CRPPA: variants seen among roughly 807,000 people sequenced by gnomAD.
The protein encoded by CRPPA is CDP-L-ribitol pyrophosphorylase A.
In CRPPA, 43 loss-of-function variants were observed where a neutral mutation model predicts 52.0. The ratio of observed to expected loss-of-function variants is 0.83; its 90% CI spans 0.65 to 1.07. The LOEUF (loss-of-function observed/expected upper bound fraction) is 1.07. Ranked by LOEUF, CRPPA falls within the 50% of genes least tolerant of loss-of-function variation. The pLI is 0.00. For missense variants in CRPPA, 629 were observed against 551.7 expected (o/e 1.14, Z -1.40); for synonymous variants, 250 against 203.5 (o/e 1.23, Z -1.94).
intron 7 of CRPPA, 76 bp downstream of exon 7, chr7:16,258,844 T>C (rs1373127581): frequency 3.6e-6 from 3 of 832,556 alleles, no homozygotes; most frequent in Non-Finnish European, 5.6e-6. Flanking sequence ...CATATATAAA[T>C]ATTTAAGAAT....
intron 4 of CRPPA, among the ~76,000 whole-genome samples, chr7:16,305,494 T>TG (rs1490684484): frequency 1.3e-5 from 2 of 152,164 alleles, no homozygotes; most frequent in African/African-American, 2.4e-5. Context: ...TGATTTCTAG[T>TG]GGGGGGATCG....
chr7:16,302,295 CAAAAAAAAAA>C (rs34666735), intron 4 of CRPPA, among the ~76,000 whole-genome samples: 6 of 53,374 alleles, frequency 1.1e-4, no homozygotes, highest in South Asian at 2.4e-3. Flanking sequence ...GACTCTGTCT[CAAAAAAAAAA>C]AAAAAAAAAA....
intron 8 of CRPPA, among the ~76,000 whole-genome samples, chr7:16,249,686 T>G (rs1311879642): frequency 1.3e-5 from 2 of 151,902 alleles, no homozygotes; most frequent in South Asian, 2.1e-4. Flanking sequence ...AGCATCAACA[T>G]CAACAAAAAG....
intron 9 of CRPPA, among the ~76,000 whole-genome samples, chr7:16,135,266 G>T (rs2128373923): frequency 1.3e-5 from 2 of 152,274 alleles, no homozygotes; most frequent in Middle Eastern, 6.8e-3. Flanking sequence ...AGCAAGTATA[G>T]TGTCAAGCAA....
intron 1 of CRPPA, among the ~76,000 whole-genome samples, chr7:16,418,798 A>G (rs371336208): frequency 2.0e-5 from 3 of 152,052 alleles, no homozygotes; most frequent in East Asian, 3.9e-4. Flanking sequence ...TCAAGATGAG[A>G]TTTTTGGGTG....
At chr7:16,200,529 G>A (rs10244600) in intron 9 of CRPPA, among the ~76,000 whole-genome samples, 1 of 151,982 alleles carries the variant, frequency 6.6e-6, no homozygotes, top group Non-Finnish European at 1.5e-5. Flanking sequence ...TTGGAATGAC[G>A]TGACACATAA....
At chr7:16,198,315 G>A (rs1269423995) in intron 9 of CRPPA, among the ~76,000 whole-genome samples, 1 of 38,302 alleles carries the variant, frequency 2.6e-5, no homozygotes, top group African/African-American at 1.2e-4. Context: ...GGCTGGAGGT[G>A]GGACCTGCGG....
chr7:16,307,921 A>G (rs1269947902), intron 4 of CRPPA, among the ~76,000 whole-genome samples: 1 of 151,626 alleles, frequency 6.6e-6, no homozygotes, highest in African/African-American at 2.4e-5. Context: ...TGAAGAAAAA[A>G]AAAAAAAAAA....
chr7:16,278,245 AGTTTTAAGTTTC>A lies in CRPPA; in HGVS notation c.836-31_836-20del. On this transcript the variant is annotated intron_variant, in intron 5 of 9. Transcript: ENST00000407010. ...ATTCTCTCTGAAATTAAAAAAAAAA[AGTTTTAAGTTTC>A]AAACAAAACATGTAACAAGGCCCTA... The A allele has an allele frequency of 1.6e-6, 2 of 1,284,396 alleles. No individual in the cohort carries two copies. The highest frequency in any genetic ancestry group is 1.5e-5 in the African/African-American group (1 of 67,284). 79.6% of individuals were successfully genotyped at this position (1,284,396 alleles called of 1,614,324 possible). A position where few individuals can be genotyped will look rare whatever the true frequency, so the allele number is the denominator to read the frequency against.
chr7:16,252,808 T>A (rs1285653835), intron 8 of CRPPA, among the ~76,000 whole-genome samples: 1 of 152,180 alleles, frequency 6.6e-6, no homozygotes, highest in African/African-American at 2.4e-5. Flanking sequence ...ATTCAGGGAT[T>A]CAACTTCTTC....
rs141765954 is a variant in CRPPA, at chr7:16,384,112, G to A, written c.535-7871C>T. Among the ~76,000 whole-genome samples the A allele has an allele frequency of 4.1e-4, 62 of 152,274 alleles. No homozygotes were observed. In the East Asian group the frequency reaches 8.9e-3, roughly 22 times the overall value. On this transcript the variant is annotated intron_variant, in intron 2 of 9. Coordinates refer to ENST00000407010, the MANE Select transcript of CRPPA (RefSeq NM_001101426.4). ...TCACTCAGGCTGGGAGCTGTAGACC[G>A]GAGCTGTTCCTATTCAGCCATCTTG...
intron 2 of CRPPA, among the ~76,000 whole-genome samples, chr7:16,398,193 GAC>G (rs1035792339): frequency 3.9e-5 from 6 of 152,046 alleles, no homozygotes; most frequent in Non-Finnish European, 8.8e-5. Context: ...TTGCCAACAT[GAC>G]ACGTGATCAA....
intron 3 of CRPPA, among the ~76,000 whole-genome samples, chr7:16,311,263 A>C (rs984430796): frequency 2.0e-5 from 3 of 152,158 alleles, no homozygotes; most frequent in African/African-American, 7.2e-5. Context: ...ATGTACAATG[A>C]TATACGTCCA....
At chr7:16,272,653 G>A (rs1039062688) in intron 6 of CRPPA, among the ~76,000 whole-genome samples, 4 of 152,126 alleles carry the variant, frequency 2.6e-5, no homozygotes, top group Admixed American at 6.5e-5. Flanking sequence ...ATAAGGGAAG[G>A]GAAAAAGTAT....
At chr7:16,279,386 A>G (rs1784272194) in intron 5 of CRPPA, among the ~76,000 whole-genome samples, 1 of 152,226 alleles carries the variant, frequency 6.6e-6, no homozygotes, top group South Asian at 2.1e-4. Context: ...ACTAATGCTC[A>G]TGATGACCCT....
At chr7:16,199,854 CTTTTTTTT>C (rs68003825) in intron 9 of CRPPA, among the ~76,000 whole-genome samples, 3 of 120,114 alleles carry the variant, frequency 2.5e-5, no homozygotes, top group African/African-American at 6.4e-5. Flanking sequence ...TAAGCTTTTT[CTTTTTTTT>C]TTTTTTTTTT....
intron 3 of CRPPA, among the ~76,000 whole-genome samples, chr7:16,372,260 G>A (rs181298338): frequency 1.4e-3 from 219 of 152,226 alleles, no homozygotes; most frequent in Non-Finnish European, 2.3e-3. Context: ...GCTATCTAAC[G>A]TCAAGACAAA....
chr7:16,399,800 G>A (rs1173206823), intron 2 of CRPPA, among the ~76,000 whole-genome samples: 1 of 152,226 alleles, frequency 6.6e-6, no homozygotes, highest in Admixed American at 6.5e-5. Context: ...TGACCAACAC[G>A]TGACTGACAC....
chr7:16,231,655 A>C (rs1473509044), intron 8 of CRPPA, among the ~76,000 whole-genome samples: 6 of 152,182 alleles, frequency 3.9e-5, no homozygotes, highest in African/African-American at 1.4e-4. Context: ...TATTTACATA[A>C]AAAAATTTCC....
Sources: allele counts gnomAD v4.1 joint callset (sites outside exome capture counted in the v4.1 genomes callset), GRCh38; gene constraint gnomAD v4.1.1; transcripts MANE v1.5; gene names NCBI Gene and HGNC (gene_info 2026-07-23, HGNC 2026-07-21).